The following ATXN2L variants were observed in gnomAD, a reference collection of about 807,000 sequenced individuals.
ATXN2L encodes the protein ataxin-2-like protein.
ATXN2L carries 24 observed loss-of-function variants against 120.7 expected under a neutral mutation model. The ratio of observed to expected loss-of-function variants is 0.20; its 90% CI spans 0.14 to 0.28. ATXN2L has a LOEUF of 0.28. Ranked by LOEUF, ATXN2L falls within the 10% of genes least tolerant of loss-of-function variation. ATXN2L has a pLI of 1.00. For missense variants in ATXN2L, 1,312 were observed against 1,432.3 expected (o/e 0.92, Z 1.36); for synonymous variants, 653 against 568.1 (o/e 1.15, Z -2.13).
At chr16:28,827,101 G>A (rs1474410826) in intron 6 of ATXN2L, 115 bp downstream of exon 6, 8 of 1,105,988 alleles carry the variant, frequency 7.2e-6, no homozygotes, top group Non-Finnish European at 9.6e-6. Flanking sequence ...ATGGTAGTCA[G>A]ATAACAAATA....
In ATXN2L at chr16:28,834,358, C is replaced by T. The variant is rs1359040540; in HGVS notation, c.2188C>T (p.Pro730Ser). 1.9e-6 allele frequency: 3 copies of T among 1,613,862 alleles called. No homozygotes were observed. The highest frequency in any genetic ancestry group is 1.3e-5 in the African/African-American group (1 of 74,920). The change falls in exon 17 of 22, where the codon CCA (proline) becomes TCA (serine). Residue 730 changes from proline (P) to serine (S), a missense_variant. Coordinates refer to ENST00000336783, the MANE Select transcript of ATXN2L (RefSeq NM_007245.4). Reference protein sequence around the residue: ...GPAVQAPQMYPYPVSNSVPGQ... With the variant: ...GPAVQAPQMYSYPVSNSVPGQ... ...TCATCCCCAGGCACCTCAGATGTAT[C>T]CATATCCTGTATCCAATTCAGTGCC...
chr16:28,823,212 C>G lies in ATXN2L; in HGVS notation c.-48C>G. On this transcript the variant is annotated 5_prime_UTR_variant, in exon 1 of 22. Transcript: ENST00000336783. ...CTCCAGCGGGGCCCCAGCCCCGGCC[C>G]CCTCTCTCCCTCCCTTCTCTCTAAT... 3 of 1,243,500 alleles carry G rather than the reference C, an allele frequency of 2.4e-6. No homozygotes were observed. Among genetic ancestry groups the G allele is most frequent in the Non-Finnish European group, 3.1e-6 (3 of 964,328 alleles). 77.0% of individuals were successfully genotyped at this position (1,243,500 alleles called of 1,614,324 possible). A position where few individuals can be genotyped will look rare whatever the true frequency, so the allele number is the denominator to read the frequency against.
In ATXN2L at chr16:28,826,395, T is replaced by C; in HGVS notation, c.616+5T>C. On this transcript the variant is annotated splice_donor_5th_base_variant and intron_variant, in intron 5 of 21. Coordinates refer to ENST00000336783, the MANE Select transcript of ATXN2L (RefSeq NM_007245.4). ...ACTTCAACTATGCTACTAAAGGTAT[T>C]GTCCTAGGCTGTTACCTCAGACCTG... 2.5e-6 allele frequency: 4 copies of C among 1,613,956 alleles called. No individual in the cohort carries two copies. The highest frequency in any genetic ancestry group is 2.2e-5 in the East Asian group (1 of 44,886).
In ATXN2L at chr16:28,833,255, A is replaced by G. The variant is rs1179093271; in HGVS notation, c.1856A>G (p.Glu619Gly). 1 of 1,614,214 alleles carries G rather than the reference A, an allele frequency of 6.2e-7. No homozygotes were observed. Among genetic ancestry groups the G allele is most frequent in the South Asian group, 1.1e-5 (1 of 91,084 alleles). Residue 619 changes from glutamate (E) to glycine (G), a missense_variant, in exon 14 of 22, where the codon GAG becomes GGG. Physicochemically the swap from Glu to Gly is moderately conservative, Grantham distance 98. Coordinates refer to ENST00000336783, the MANE Select transcript of ATXN2L (RefSeq NM_007245.4). ...KPPLAPSGGTEGPEQPPPPCP... is the reference protein window; with the variant it reads ...KPPLAPSGGTGGPEQPPPPCP... Reference sequence around the variant, plus strand: ...CCCCTGGCACCATCAGGAGGCACTGAGGGGCCAGAGCAGCCCCCACCACCT... The same window carrying G: ...CCCCTGGCACCATCAGGAGGCACTGGGGGGCCAGAGCAGCCCCCACCACCT...
In ATXN2L at chr16:28,823,308, C is replaced by A; in HGVS notation, c.49C>A (p.Pro17Thr). 1.3e-6 allele frequency: 2 copies of A among 1,491,080 alleles called. No individual in the cohort carries two copies. The highest frequency in any genetic ancestry group is 1.8e-6 in the Non-Finnish European group (2 of 1,121,798). 92.4% of individuals were successfully genotyped at this position (1,491,080 alleles called of 1,614,324 possible). A position where few individuals can be genotyped will look rare whatever the true frequency, so the allele number is the denominator to read the frequency against. ...LQQPSQPQQP[P>T]PTQQAVARRP... ...ACAGCCCTCCCAGCCCCAGCAGCCG[C>A]CCCCCACGCAACAGGCCGTGGCCCG... The change falls in exon 1 of 22, where the codon CCC becomes ACC. Residue 17 changes from proline to threonine, a missense_variant. Coordinates refer to ENST00000336783, the MANE Select transcript of ATXN2L (RefSeq NM_007245.4).
intron 15 of ATXN2L, 106 bp from the exon 16 acceptor site, chr16:28,833,959 A>G (rs1316250842): frequency 1.6e-6 from 2 of 1,279,772 alleles, no homozygotes; most frequent in African/African-American, 1.5e-5. Context: ...AGTGCAGAAT[A>G]TGTTTGGTAT....
chr16:28,830,282 T>A (rs939145167), intron 8 of ATXN2L, among the ~76,000 whole-genome samples: 1 of 152,260 alleles, frequency 6.6e-6, no homozygotes, highest in Non-Finnish European at 1.5e-5. Flanking sequence ...TGCTATTTCT[T>A]TTTATAAAAG....
rs772066751 is a variant in ATXN2L, at chr16:28,834,506, G to T, written c.2246G>T (p.Gly749Val). ...CTCTCCTCTCCTCCTCCTCTTCCAG[G>T]CTCCCTTCCTCCGCAGCGCTCGGAC... ...GQQGKYRGAK[G>V]SLPPQRSDQH... The change falls in exon 18 of 22, where the codon GGC becomes GTC. Residue 749 changes from glycine (G) to valine (V), a missense_variant and splice_region_variant. Coordinates refer to ENST00000336783, the MANE Select transcript of ATXN2L (RefSeq NM_007245.4). 6.2e-7 allele frequency: 1 copy of T among 1,611,824 alleles called. No individual in the cohort carries two copies. The highest frequency in any genetic ancestry group is 8.5e-7 in the Non-Finnish European group (1 of 1,179,562).
Position 28,834,659 on chromosome 16 carries a change from C to T in ATXN2L, c.2399C>T (p.Ala800Val). The change falls in exon 18 of 22, where the codon GCC becomes GTC. Residue 800 changes from alanine (A) to valine (V), a missense_variant. Physicochemically the swap from Ala to Val is moderately conservative, Grantham distance 64. Coordinates refer to ENST00000336783, the MANE Select transcript of ATXN2L (RefSeq NM_007245.4). ...CCTCAGCAGTTCCCAGGCCAGCCAG[C>T]CATGATGCAGCCCATGGCCCACTAC... Reference protein sequence around the residue: ...YNPQQFPGQPAMMQPMAHYPS... With the variant: ...YNPQQFPGQPVMMQPMAHYPS... The T allele has an allele frequency of 6.2e-7, 1 of 1,613,894 alleles. No homozygotes were observed. Among genetic ancestry groups the T allele is most frequent in the Non-Finnish European group, 8.5e-7 (1 of 1,179,942 alleles).
Position 28,834,777 on chromosome 16 carries a change from G to A in ATXN2L, c.2433+84G>A, listed in dbSNP as rs538297615. 8.2e-6 allele frequency: 12 copies of A among 1,467,200 alleles called. No homozygotes were observed. In the African/African-American group the frequency reaches 8.4e-5, roughly 10 times the overall value. 90.9% of individuals were successfully genotyped at this position (1,467,200 alleles called of 1,614,324 possible). On this transcript the variant is annotated intron_variant, in intron 18 of 21. Coordinates refer to ENST00000336783, the MANE Select transcript of ATXN2L (RefSeq NM_007245.4). Reference sequence around the variant, plus strand: ...CTCCAGAGACTTGGGAGCTGGCTAGGGGTGGCAGGCAGTGTTGTAGGTGGG... The same window carrying A: ...CTCCAGAGACTTGGGAGCTGGCTAGAGGTGGCAGGCAGTGTTGTAGGTGGG...
rs1411722132 is a variant in ATXN2L, at chr16:28,832,655, G to A, written c.1588+88G>A. 5 of 1,457,990 alleles carry A rather than the reference G, an allele frequency of 3.4e-6. No homozygotes were observed. In the East Asian group the frequency reaches 1.1e-4, roughly 33 times the overall value. 90.3% of individuals were successfully genotyped at this position (1,457,990 alleles called of 1,614,324 possible). On this transcript the variant is annotated intron_variant, in intron 12 of 21. Coordinates refer to ENST00000336783, the MANE Select transcript of ATXN2L (RefSeq NM_007245.4). ...TTAGGAAGTTTGTTGGAATTCAGAG[G>A]CAAACAATGTCTATCAGTCCTTGGA...
intron 1 of ATXN2L, chr16:28,824,024 C>A (rs1312722624): frequency 2.4e-6 from 2 of 850,192 alleles, no homozygotes; most frequent in Non-Finnish European, 2.8e-6. Context: ...GACTTGGGAG[C>A]GGGTTGCTGC....
At chr16:28,823,727 G>A (rs1331902520) in intron 1 of ATXN2L, 169 bp downstream of exon 1, 8 of 696,576 alleles carry the variant, frequency 1.1e-5, no homozygotes, top group Non-Finnish European at 1.6e-5. Context: ...GACGGAAAGG[G>A]TCCCCGGGCG....
At chr16:28,834,887 G>GT in intron 18 of ATXN2L, 171 bp from the exon 19 acceptor site, 1 of 1,147,010 alleles carries the variant, frequency 8.7e-7, no homozygotes, top group Non-Finnish European at 1.2e-6. Flanking sequence ...TTGGACATCT[G>GT]TATCTCTGAA....
chr16:28,833,225 A>C lies in ATXN2L; in HGVS notation c.1826A>C (p.Lys609Thr). The C allele has an allele frequency of 2.5e-6, 4 of 1,614,140 alleles. No individual in the cohort carries two copies. The highest frequency in any genetic ancestry group is 2.5e-6 in the Non-Finnish European group (3 of 1,180,036). The change falls in exon 14 of 22, where the codon AAA becomes ACA. Residue 609 changes from lysine to threonine, a missense_variant. Physicochemically the swap from Lys to Thr is moderately conservative, Grantham distance 78. Transcript: ENST00000336783. ...KTESVSDKED[K>T]PPLAPSGGTE... ...GAGTCCGTATCGGATAAGGAGGACAAACCACCCCTGGCACCATCAGGAGGC... is the reference window on the plus strand; with the variant it reads ...GAGTCCGTATCGGATAAGGAGGACACACCACCCCTGGCACCATCAGGAGGC...
intron 10 of ATXN2L, 44 bp from the exon 11 acceptor site, chr16:28,832,161 G>A (rs1264078294): frequency 1.2e-6 from 2 of 1,607,536 alleles, no homozygotes; most frequent in South Asian, 2.2e-5. Context: ...ACTCACTGCT[G>A]TTGACCAGCA....
chr16:28,823,425 T>C lies in ATXN2L; in HGVS notation c.166T>C (p.Ser56Pro). 4.6e-6 allele frequency: 6 copies of C among 1,298,060 alleles called. No individual in the cohort carries two copies. Among genetic ancestry groups the C allele is most frequent in the East Asian group, 3.1e-5 (1 of 31,834 alleles). 80.4% of individuals were successfully genotyped at this position (1,298,060 alleles called of 1,614,324 possible). ...TCCTCCCGGGCCTCCAGCGGCCGCC[T>C]CCCCCTGCCTGGGGCCTGTGGCCGC... ...AAPPGPPAAASPCLGPVAAAG... is the reference protein window; with the variant it reads ...AAPPGPPAAAPPCLGPVAAAG... Residue 56 changes from serine (S) to proline (P), a missense_variant, in exon 1 of 22, where the codon TCC becomes CCC. Ser to Pro is a moderately conservative substitution (Grantham distance 74, BLOSUM62 -1). Coordinates refer to ENST00000336783, the MANE Select transcript of ATXN2L (RefSeq NM_007245.4).
At position 28,823,219 on chromosome 16, in the gene ATXN2L, T is replaced by A; in HGVS notation, c.-41T>A. The A allele has an allele frequency of 1.6e-6, 2 of 1,212,458 alleles. No homozygotes were observed. The highest frequency in any genetic ancestry group is 1.1e-6 in the Non-Finnish European group (1 of 940,664). 75.1% of individuals were successfully genotyped at this position (1,212,458 alleles called of 1,614,324 possible). A position where few individuals can be genotyped will look rare whatever the true frequency, so the allele number is the denominator to read the frequency against. ...GGGGCCCCAGCCCCGGCCCCCTCTC[T>A]CCCTCCCTTCTCTCTAATTCCCCTT... On this transcript the variant is annotated 5_prime_UTR_variant, in exon 1 of 22. Coordinates refer to ENST00000336783, the MANE Select transcript of ATXN2L (RefSeq NM_007245.4).
At chr16:28,823,639 CGGCACCGTCAGG>C (rs2050406124) in intron 1 of ATXN2L, 81 bp downstream of exon 1, 2 of 1,228,722 alleles carry the variant, frequency 1.6e-6, no homozygotes, top group South Asian at 2.9e-5. Flanking sequence ...GACCCCGACC[CGGCACCGTCAGG>C]GGCACCGGCT....
Sources: allele counts gnomAD v4.1 joint callset (sites outside exome capture counted in the v4.1 genomes callset), GRCh38; gene constraint gnomAD v4.1.1; transcripts MANE v1.5; gene names NCBI Gene and HGNC (gene_info 2026-07-23, HGNC 2026-07-21).